GEMIN2: variants seen among roughly 807,000 people sequenced by gnomAD.
GEMIN2 encodes gem nuclear organelle associated protein 2.
Under a neutral mutation model 45.8 loss-of-function variants are expected in GEMIN2, and 37 were observed. The ratio of observed to expected loss-of-function variants is 0.81; its 90% CI spans 0.62 to 1.06. The LOEUF is 1.06. Ranked by LOEUF, GEMIN2 falls within the 50% of genes least tolerant of loss-of-function variation. GEMIN2 has a pLI of 0.00. For missense variants in GEMIN2, 335 were observed against 321.8 expected (o/e 1.04, Z -0.31); for synonymous variants, 101 against 111.5 (o/e 0.91, Z 0.60).
intron 5 of GEMIN2, among the ~76,000 whole-genome samples, chr14:39,124,512 T>C (rs2052615645): frequency 6.6e-6 from 1 of 152,198 alleles, no homozygotes; most frequent in Admixed American, 6.5e-5. Flanking sequence ...GGCTCATGCC[T>C]GTAATCACAG....
chr14:39,123,998 A>G (rs1371822161), intron 5 of GEMIN2, among the ~76,000 whole-genome samples: 3 of 147,672 alleles, frequency 2.0e-5, no homozygotes, highest in South Asian at 4.3e-4. Context: ...GGCTCAGGCA[A>G]TCCTCCTGCT....
At chr14:39,122,589 G>T (rs2052587573) in intron 5 of GEMIN2, 46 bp downstream of exon 5, 5 of 1,021,962 alleles carry the variant, frequency 4.9e-6, no homozygotes, top group African/African-American at 3.2e-5. Flanking sequence ...TTTAATTTTG[G>T]TGCACCACTT....
intron 9 of GEMIN2, chr14:39,134,271 T>C (rs889404862): frequency 1.3e-5 from 2 of 152,218 alleles, no homozygotes; most frequent in Non-Finnish European, 2.9e-5. Context: ...CAGGCTGGAG[T>C]GCAATGGCAC....
Position 39,114,905 on chromosome 14 carries a change from A to T in GEMIN2, c.214A>T (p.Asn72Tyr), listed in dbSNP as rs1287998779. The T allele has an allele frequency of 1.3e-6, 2 of 1,492,086 alleles. No individual in the cohort carries two copies. The highest frequency in any genetic ancestry group is 3.3e-5 in the Admixed American group (2 of 59,818). 92.4% of individuals were successfully genotyped at this position (1,492,086 alleles called of 1,614,324 possible). A position where few individuals can be genotyped will look rare whatever the true frequency, so the allele number is the denominator to read the frequency against. The change falls in exon 2 of 10, where the codon AAT (asparagine) becomes TAT (tyrosine). Residue 72 changes from asparagine (N) to tyrosine (Y), a missense_variant. Asn to Tyr is a moderately radical substitution (Grantham distance 143). Transcript: ENST00000308317. ...GAAGTTGAAAAGGAAGCAAAGTGTG[A>T]ATATTTCTGTGAGTTTTATTAACCG... ...PKKLKRKQSV[N>Y]ISLSGCQPAP...
At chr14:39,125,897 G>A (rs2052634001) in intron 6 of GEMIN2, among the ~76,000 whole-genome samples, 1 of 151,906 alleles carries the variant, frequency 6.6e-6, no homozygotes, top group Non-Finnish European at 1.5e-5. Flanking sequence ...GTGTGCACTT[G>A]TAATCCCAGC....
chr14:39,115,456 C>CTTTTT (rs35142656), intron 2 of GEMIN2, among the ~76,000 whole-genome samples: 24 of 123,836 alleles, frequency 1.9e-4, no homozygotes, highest in African/African-American at 3.7e-4. Flanking sequence ...ATGTCTTACA[C>CTTTTT]TTTTTTTTTT....
chr14:39,127,689 C>G (rs2052661851), intron 6 of GEMIN2, among the ~76,000 whole-genome samples: 1 of 151,948 alleles, frequency 6.6e-6, no homozygotes, highest in East Asian at 1.9e-4. Context: ...TAGTTACAAA[C>G]TAAATTATTA....
intron 4 of GEMIN2, among the ~76,000 whole-genome samples, chr14:39,119,429 A>G (rs184231640): frequency 6.6e-6 from 1 of 152,356 alleles, no homozygotes; most frequent in Non-Finnish European, 1.5e-5. Flanking sequence ...TAGTAGATAT[A>G]TCAGGACTAC....
At chr14:39,127,860 G>A (rs1020694258) in intron 6 of GEMIN2, among the ~76,000 whole-genome samples, 2 of 151,948 alleles carry the variant, frequency 1.3e-5, no homozygotes, top group South Asian at 2.1e-4. Context: ...ACCTGAGGTC[G>A]AGAGTTCGAC....
chr14:39,116,048 C>T (rs2052500687), intron 2 of GEMIN2, among the ~76,000 whole-genome samples: 1 of 151,930 alleles, frequency 6.6e-6, no homozygotes, highest in South Asian at 2.1e-4. Context: ...TCTTTTTCCC[C>T]CTTTTTTTTT....
Position 39,122,459 on chromosome 14 carries a change from G to T in GEMIN2, c.402G>T (p.Lys134Asn). 1 of 1,600,214 alleles carries T rather than the reference G, an allele frequency of 6.2e-7. No individual in the cohort carries two copies. The highest frequency in any genetic ancestry group is 2.2e-5 in the East Asian group (1 of 44,730). Reference protein sequence around the residue: ...MPKSEDEEGWKKFCLGEKLCA... With the variant: ...MPKSEDEEGWNKFCLGEKLCA... ...AATCTGAAGATGAAGAAGGCTGGAA[G>T]AAATTTTGTCTGGGTGAAAAGTTAT... Residue 134 changes from lysine to asparagine, a missense_variant, in exon 5 of 10, where the codon AAG becomes AAT. By Grantham distance (94) the Lys-to-Asn change is moderately conservative (BLOSUM62 0). Coordinates refer to ENST00000308317, the MANE Select transcript of GEMIN2 (RefSeq NM_003616.3).
intron 6 of GEMIN2, among the ~76,000 whole-genome samples, chr14:39,126,456 A>G (rs1431218758): frequency 6.6e-6 from 1 of 152,184 alleles, no homozygotes; most frequent in Non-Finnish European, 1.5e-5. Context: ...CTGGGAATAC[A>G]GGTGTGAACC....
chr14:39,121,081 T>C (rs925648987), intron 4 of GEMIN2, among the ~76,000 whole-genome samples: 6 of 152,194 alleles, frequency 3.9e-5, no homozygotes, highest in Admixed American at 3.9e-4. Context: ...CCTTCAAATA[T>C]GTGAAATATG....
Position 39,117,999 on chromosome 14 carries a change from C to G in GEMIN2, c.223C>G (p.Leu75Val), listed in dbSNP as rs780668608. The G allele has an allele frequency of 4.5e-6, 7 of 1,569,774 alleles. No individual in the cohort carries two copies. The change falls in exon 3 of 10, where the codon CTT (leucine) becomes GTT (valine). Residue 75 changes from leucine to valine, a missense_variant and splice_region_variant. Physicochemically the swap from Leu to Val is conservative, Grantham distance 32. Transcript: ENST00000308317. The part of the protein sequence containing the change: ...LKRKQSVNIS[L>V]SGCQPAPEGY... The stretch of plus-strand genomic sequence containing the variant: ...TAATATTTGTGAACTTGATCTCTAG[C>G]TTTCAGGATGCCAACCCGCCCCTGA...
At chr14:39,118,783 T>C (rs1299058555) in intron 4 of GEMIN2, among the ~76,000 whole-genome samples, 184 bp downstream of exon 4, 1 of 149,344 alleles carries the variant, frequency 6.7e-6, no homozygotes, top group Non-Finnish European at 1.5e-5. Flanking sequence ...ATGACAAATT[T>C]TTTTTTTTTT....
intron 6 of GEMIN2, among the ~76,000 whole-genome samples, chr14:39,128,061 C>CGCG (rs1404807518): frequency 8.3e-6 from 1 of 120,620 alleles, no homozygotes; most frequent in African/African-American, 3.3e-5. Flanking sequence ...GAGTGAGACT[C>CGCG]TATCTCAAAA....
chr14:39,132,454 C>T (rs67968129), intron 8 of GEMIN2, among the ~76,000 whole-genome samples: 44,285 of 151,634 alleles, frequency 0.29, 7,607 homozygotes, highest in Non-Finnish European at 0.38. Flanking sequence ...TCGTTCGAAC[C>T]CAGGAGGCGG....
chr14:39,115,865 G>A (rs1322735221), intron 2 of GEMIN2, among the ~76,000 whole-genome samples: 1 of 151,674 alleles, frequency 6.6e-6, no homozygotes, highest in East Asian at 1.9e-4. Context: ...TTCAACAGAG[G>A]GTAAGACAAA....
At chr14:39,122,677 T>C (rs984423256) in intron 5 of GEMIN2, 134 bp downstream of exon 5, 4 of 491,572 alleles carry the variant, frequency 8.1e-6, no homozygotes, top group Non-Finnish European at 1.5e-5. Context: ...CTAAGGATTG[T>C]TTTTAGGTTT....
Sources: gnomAD v4.1 joint callset for allele counts (sites outside exome capture counted in the v4.1 genomes callset) on GRCh38, gnomAD v4.1.1 for gene constraint, MANE v1.5 for transcripts, NCBI Gene and HGNC (gene_info 2026-07-23, HGNC 2026-07-21) for gene names.